AUTS2: variants seen among roughly 807,000 people sequenced by gnomAD.
AUTS2 encodes the protein activator of transcription and developmental regulator AUTS2.
AUTS2 carries 17 observed loss-of-function variants against 112.4 expected under a neutral mutation model. The ratio of observed to expected loss-of-function variants is 0.15; its 90% CI spans 0.10 to 0.23. The LOEUF is 0.23. AUTS2 is among the 10% of genes least tolerant of loss of function. The pLI, the probability that AUTS2 is intolerant of heterozygous loss-of-function variation, is 1.00. For synonymous variants in AUTS2, 751 were observed against 702.7 expected, an observed-to-expected ratio of 1.07 and a Z score of -1.09; for missense variants, 1,510 against 1,701.6, an observed-to-expected ratio of 0.89 and a Z score of 1.98.
intron 5 of AUTS2, among the ~76,000 whole-genome samples, chr7:70,452,455 T>C (rs1248929487): frequency 6.6e-6 from 1 of 152,160 alleles, no homozygotes; most frequent in Non-Finnish European, 1.5e-5. Context: ...CAAGATCCTG[T>C]CTCAATAATA....
At chr7:70,075,065 C>T (rs745623905) in intron 2 of AUTS2, among the ~76,000 whole-genome samples, 3 of 152,184 alleles carry the variant, frequency 2.0e-5, no homozygotes, top group Non-Finnish European at 4.4e-5. Context: ...TGACACCTTA[C>T]CCTTGCTCAT....
At chr7:70,025,826 T>G (rs1401865298) in intron 2 of AUTS2, among the ~76,000 whole-genome samples, 1 of 150,638 alleles carries the variant, frequency 6.6e-6, no homozygotes, top group Non-Finnish European at 1.5e-5. Context: ...GAGGCAGTGC[T>G]GAAGGATGTT....
chr7:70,413,167 C>T (rs981066438), intron 4 of AUTS2, among the ~76,000 whole-genome samples: 6 of 152,174 alleles, frequency 3.9e-5, no homozygotes, highest in Non-Finnish European at 7.4e-5. Flanking sequence ...AGCAGTGGTT[C>T]CAATATGAGC....
intron 4 of AUTS2, among the ~76,000 whole-genome samples, chr7:70,406,023 A>C (rs1794519235): frequency 6.6e-6 from 1 of 152,138 alleles, no homozygotes; most frequent in Non-Finnish European, 1.5e-5. Flanking sequence ...GCCTGGTGGC[A>C]GTCCTCCCCC....
rs565150692 is a variant in AUTS2 at position 70,444,509 on chromosome 7, TTAA to T, written c.690+8733_690+8735del. On this transcript the variant is annotated intron_variant, in intron 5 of 18. Transcript: ENST00000342771. ...AATCAAATATCTATATTAGGATGTG[TTAA>T]TAATTATCTAAACTTTATACTTTAA... 2.8e-3 allele frequency among the ~76,000 whole-genome samples: 429 copies of T among 152,246 alleles called. 2 individuals carry two copies. The highest frequency in any genetic ancestry group is 4.9e-3 in the Non-Finnish European group (336 of 68,014).
At chr7:70,284,207 C>T (rs1274842870) in intron 4 of AUTS2, among the ~76,000 whole-genome samples, 1 of 152,208 alleles carries the variant, frequency 6.6e-6, no homozygotes, top group Non-Finnish European at 1.5e-5. Context: ...CACATCAATA[C>T]ATAATCTTAA....
Position 70,790,621 on chromosome 7 carries a change from G to C in AUTS2, c.3405G>C (p.Leu1135=). Residue 1135 remains leucine, a synonymous_variant, in exon 19 of 19, where the codon CTG becomes CTC. Coordinates refer to ENST00000342771, the MANE Select transcript of AUTS2 (RefSeq NM_015570.4). The surrounding 1 kb of genome is among the most constrained non-coding windows in gnomAD (Gnocchi z 7.6). ...ACCACCACCACCACCACCACCCGCTGTCTGTGGACCCTCGGCGGGAGCACG... is the reference window on the plus strand; with the variant it reads ...ACCACCACCACCACCACCACCCGCTCTCTGTGGACCCTCGGCGGGAGCACG... ...SHHHHHHHHP[L]SVDPRREHER... is the part of the protein sequence containing the mutation. 1 of 1,609,940 alleles carries C rather than the reference G, an allele frequency of 6.2e-7. No homozygotes were observed. The highest frequency in any genetic ancestry group is 8.5e-7 in the Non-Finnish European group (1 of 1,178,818).
intron 5 of AUTS2, among the ~76,000 whole-genome samples, chr7:70,484,583 G>A (rs949013937): frequency 6.6e-6 from 1 of 152,140 alleles, no homozygotes; most frequent in Non-Finnish European, 1.5e-5. Context: ...TCCCCAGGGG[G>A]CTCCCAGTGC....
intron 2 of AUTS2, among the ~76,000 whole-genome samples, chr7:70,078,675 A>G (rs79120723): frequency 0.039 from 5,930 of 152,280 alleles, 178 homozygotes; most frequent in Non-Finnish European, 0.063. Context: ...GTCCTTCACT[A>G]TCAATCCCCC....
chr7:70,154,503 C>T (rs1238113675), intron 4 of AUTS2, among the ~76,000 whole-genome samples: 1 of 152,024 alleles, frequency 6.6e-6, no homozygotes, highest in Non-Finnish European at 1.5e-5. Flanking sequence ...GAAAGCTGCT[C>T]CCTTTAAGGA....
intron 5 of AUTS2, among the ~76,000 whole-genome samples, chr7:70,637,026 C>T (rs1181737212): frequency 6.6e-6 from 1 of 152,142 alleles, no homozygotes; most frequent in African/African-American, 2.4e-5. Context: ...TCCAGGCAAA[C>T]GTGATCCTTA....
chr7:70,092,258 C>T (rs932442938), intron 2 of AUTS2, among the ~76,000 whole-genome samples: 10 of 152,048 alleles, frequency 6.6e-5, no homozygotes, highest in South Asian at 4.2e-4. Flanking sequence ...ACTTAATTAT[C>T]GCAGGAATTT....
chr7:70,208,367 A>G (rs1810686327), intron 4 of AUTS2, among the ~76,000 whole-genome samples: 2 of 152,200 alleles, frequency 1.3e-5, no homozygotes, highest in African/African-American at 2.4e-5. Context: ...AACTGGAAAT[A>G]AACTGAAAAT....
Position 70,766,295 on chromosome 7 carries a change from C to T in AUTS2, c.1650C>T (p.Ile550=), listed in dbSNP as rs374492620. ...CCTTCACGCCGTTCCCCCACGCCATCCCACCCACCGCCATCATGCCGACGC... is the reference window on the plus strand; with the variant it reads ...CCTTCACGCCGTTCCCCCACGCCATTCCACCCACCGCCATCATGCCGACGC... ...QHTFTPFPHA[I]PPTAIMPTPA... The change falls in exon 9 of 19, where the codon ATC becomes ATT. Residue 550 remains isoleucine (I), a synonymous_variant. Transcript: ENST00000342771. The surrounding 1 kb of genome is among the most constrained non-coding windows in gnomAD (Gnocchi z 4.8). 13 of 1,613,996 alleles carry T rather than the reference C, an allele frequency of 8.1e-6. No individual in the cohort carries two copies. Among genetic ancestry groups the T allele is most frequent in the Non-Finnish European group, 1.1e-5 (13 of 1,180,012 alleles).
intron 2 of AUTS2, among the ~76,000 whole-genome samples, chr7:70,030,271 T>C (rs1200147000): frequency 1.3e-5 from 2 of 152,220 alleles, no homozygotes; most frequent in Non-Finnish European, 2.9e-5. Context: ...TGATACAGCA[T>C]GGGCTGCCAC....
At chr7:70,506,703 C>T (rs563515455) in intron 5 of AUTS2, among the ~76,000 whole-genome samples, 1 of 152,248 alleles carries the variant, frequency 6.6e-6, no homozygotes, top group Non-Finnish European at 1.5e-5. Context: ...ACGCTGCTCT[C>T]CTGGGCTTGT....
intron 11 of AUTS2, among the ~76,000 whole-genome samples, chr7:70,773,070 A>G (rs1366345336): frequency 1.3e-5 from 2 of 152,240 alleles, no homozygotes; most frequent in East Asian, 3.8e-4. Flanking sequence ...ATTGCAGTTC[A>G]TTAGTGGAGT....
chr7:69,865,870 A>C (rs1271336265), intron 1 of AUTS2, among the ~76,000 whole-genome samples: 2 of 152,158 alleles, frequency 1.3e-5, no homozygotes, highest in African/African-American at 4.8e-5. Context: ...TAGAAGCACA[A>C]TGTATCTAGG....
At chr7:70,640,684 T>C (rs1049048029) in intron 5 of AUTS2, among the ~76,000 whole-genome samples, 2 of 152,118 alleles carry the variant, frequency 1.3e-5, no homozygotes, top group Non-Finnish European at 2.9e-5. Context: ...TTGGTTCCCT[T>C]GGCTAGGAGT....
Sources: gnomAD v4.1 joint callset for allele counts (sites outside exome capture counted in the v4.1 genomes callset) on GRCh38, gnomAD v4.1.1 for gene constraint, Gnocchi (gnomAD v3.1) non-coding constraint, MANE v1.5 for transcripts, NCBI Gene and HGNC (gene_info 2026-07-23, HGNC 2026-07-21) for gene names.